Variants in CBFA2T2 observed in about 807,000 individuals in gnomAD.
CBFA2T2 encodes CBFA2/RUNX1 partner transcriptional co-repressor 2.
CBFA2T2 carries 11 observed loss-of-function variants against 62.2 expected under a neutral mutation model. The ratio of observed to expected loss-of-function variants is 0.18; its 90% CI spans 0.11 to 0.29. The LOEUF is 0.29. CBFA2T2 is among the 10% of genes least tolerant of loss of function. The pLI, the probability that CBFA2T2 is intolerant of heterozygous loss-of-function variation, is 1.00. For missense variants in CBFA2T2, 592 were observed against 774.1 expected, an observed-to-expected ratio of 0.76 and a Z score of 2.79; for synonymous variants, 295 against 287.5, an observed-to-expected ratio of 1.03 and a Z score of -0.27.
intron 1 of CBFA2T2, among the ~76,000 whole-genome samples, chr20:33,575,608 G>A (rs1219398186): frequency 6.6e-6 from 1 of 152,028 alleles, no homozygotes; most frequent in Non-Finnish European, 1.5e-5. Context: ...TTTCTTAATA[G>A]GGTTTTTTTT....
At chr20:33,600,187 T>TTG (rs1250538054) in intron 1 of CBFA2T2, 3 of 131,728 alleles carry the variant, frequency 2.3e-5, no homozygotes, top group East Asian at 2.3e-4. Context: ...GGAAAGTTTT[T>TTG]TTTTTTTTTT....
At chr20:33,594,462 C>T (rs550948302) in intron 1 of CBFA2T2, among the ~76,000 whole-genome samples, 1 of 152,066 alleles carries the variant, frequency 6.6e-6, no homozygotes, top group Non-Finnish European at 1.5e-5. Flanking sequence ...CCTCGTGATC[C>T]TCCTGCCTCG....
intron 1 of CBFA2T2, among the ~76,000 whole-genome samples, chr20:33,554,275 G>C (rs147519294): frequency 7.3e-6 from 1 of 136,150 alleles, no homozygotes; most frequent in Non-Finnish European, 1.6e-5. Context: ...TTTTTTTTCA[G>C]ACAGTGTTGC....
chr20:33,553,489 C>T (rs761148607), intron 1 of CBFA2T2, among the ~76,000 whole-genome samples: 3 of 152,234 alleles, frequency 2.0e-5, no homozygotes, highest in Non-Finnish European at 4.4e-5. Flanking sequence ...GCCTCAGCCT[C>T]CCAAAGTGCT....
intron 1 of CBFA2T2, among the ~76,000 whole-genome samples, chr20:33,534,478 A>C (rs1344229227): frequency 6.6e-6 from 1 of 151,876 alleles, no homozygotes; most frequent in Non-Finnish European, 1.5e-5. Context: ...ACGCCCGGCT[A>C]ATTTTTGTAT....
intron 5 of CBFA2T2, 83 bp from the exon 6 acceptor site, chr20:33,624,681 C>T (rs1177830630): frequency 6.8e-7 from 1 of 1,481,300 alleles, no homozygotes; most frequent in Non-Finnish European, 9.3e-7. Flanking sequence ...TAGCAAAATA[C>T]CTAATACATA....
Position 33,586,165 on chromosome 20 carries a change from TC to T in CBFA2T2, c.35-20790del, listed in dbSNP as rs201258496. ...TATTATCATTATTATCACTGGGTTTTCTTGTTTGTTTTTTTGTTTGTTTTGT... is the reference window on the plus strand; with the variant it reads ...TATTATCATTATTATCACTGGGTTTTTTGTTTGTTTTTTTGTTTGTTTTGT... On this transcript the variant is annotated intron_variant, in intron 1 of 10. Coordinates refer to ENST00000342704, the MANE Select transcript of CBFA2T2 (RefSeq NM_001032999.3). Among the ~76,000 whole-genome samples the T allele has an allele frequency of 3.5e-4, 54 of 152,288 alleles. 1 individual carries two copies. The East Asian group carries it at 0.01, about 29-fold the overall frequency.
At chr20:33,536,625 G>GC in intron 1 of CBFA2T2, among the ~76,000 whole-genome samples, 3 of 150,870 alleles carry the variant, frequency 2.0e-5, no homozygotes, top group South Asian at 2.1e-4. Context: ...AGACGGGGCG[G>GC]TTGCCAGGCG....
intron 1 of CBFA2T2, among the ~76,000 whole-genome samples, chr20:33,575,891 C>T (rs533634093): frequency 6.6e-6 from 1 of 152,228 alleles, no homozygotes; most frequent in African/African-American, 2.4e-5. Context: ...CACTCTCCTG[C>T]CTCAGCCTCC....
At chr20:33,558,136 CTT>C (rs56771085) in intron 1 of CBFA2T2, among the ~76,000 whole-genome samples, 22 of 141,730 alleles carry the variant, frequency 1.6e-4, no homozygotes, top group Admixed American at 2.1e-4. Context: ...CGCGCTCTCT[CTT>C]TTTTTTTTTT....
In CBFA2T2 at chr20:33,633,960, T is replaced by TG. The variant is rs1601106424; in HGVS notation, c.1229-2680_1229-2679insG. 4.6e-5 allele frequency among the ~76,000 whole-genome samples: 7 copies of TG among 152,250 alleles called. No homozygotes were observed. The East Asian group carries it at 1.2e-3, about 25-fold the overall frequency. ...CATCTAACTTTGCAAGTAAAATTTT[T>TG]TTTTGTTTGTTTGTTTGTTTTTGTT... On this transcript the variant is annotated intron_variant, in intron 8 of 10. Coordinates refer to ENST00000342704, the MANE Select transcript of CBFA2T2 (RefSeq NM_001032999.3).
At chr20:33,517,850 G>A (rs1367645979) in intron 1 of CBFA2T2, among the ~76,000 whole-genome samples, 2 of 151,462 alleles carry the variant, frequency 1.3e-5, no homozygotes, top group Non-Finnish European at 2.9e-5. Context: ...TTCACTGTGT[G>A]GGCCAGGTTG....
intron 1 of CBFA2T2, among the ~76,000 whole-genome samples, chr20:33,605,672 A>G (rs2015313879): frequency 6.6e-6 from 1 of 152,190 alleles, no homozygotes; most frequent in Non-Finnish European, 1.5e-5. Context: ...CCTCTGCTTC[A>G]TGTAGACTCA....
intron 10 of CBFA2T2, 93 bp from the exon 11 acceptor site, chr20:33,644,254 C>A (rs2016968141): frequency 1.4e-6 from 2 of 1,438,400 alleles, no homozygotes; most frequent in Non-Finnish European, 1.9e-6. Context: ...CTGGGGTTCT[C>A]TACATACAGC....
rs1427843129 is a variant in CBFA2T2 at position 33,490,111 on chromosome 20, G to GGCGACA, written c.-154_-149dup. Reference sequence around the variant, plus strand: ...TAACGGCGGCGGCGGCGGCGGCGACGGCGACAGCAGCGGTGGTGGTGTCTG... The same window carrying GGCGACA: ...TAACGGCGGCGGCGGCGGCGGCGACGGCGACAGCGACAGCAGCGGTGGTGGTGTCTG... On this transcript the variant is annotated 5_prime_UTR_variant, in exon 1 of 11. Transcript: ENST00000342704. 2.9e-6 allele frequency: 2 copies of GGCGACA among 701,220 alleles called. No individual in the cohort carries two copies. The highest frequency in any genetic ancestry group is 3.7e-6 in the Non-Finnish European group (2 of 534,782). The allele number at this position is 701,220 out of a possible 1,614,324, so 43.4% of individuals were successfully genotyped here.
chr20:33,499,421 A>AG (rs1270695106), intron 1 of CBFA2T2, among the ~76,000 whole-genome samples: 2 of 152,232 alleles, frequency 1.3e-5, no homozygotes, highest in African/African-American at 4.8e-5. Flanking sequence ...TTACCAAGGA[A>AG]GGGATCTCAT....
Position 33,585,139 on chromosome 20 carries a change from A to G in CBFA2T2, c.35-21817A>G, listed in dbSNP as rs983474641. On this transcript the variant is annotated intron_variant, in intron 1 of 10. Coordinates refer to ENST00000342704, the MANE Select transcript of CBFA2T2 (RefSeq NM_001032999.3). ...TTTTGGTTTTGAAAATGAGGTCCCT[A>G]TAGCTAGATCATGCTGCCTGTGTGT... 2.2e-4 allele frequency among the ~76,000 whole-genome samples: 34 copies of G among 152,142 alleles called. No homozygotes were observed. In the East Asian group the frequency reaches 2.3e-3, roughly 10 times the overall value.
intron 2 of CBFA2T2, 76 bp from the exon 3 acceptor site, chr20:33,611,017 AT>A: frequency 6.3e-7 from 1 of 1,575,298 alleles, no homozygotes; most frequent in Admixed American, 1.7e-5. Flanking sequence ...ACAAACGAAA[AT>A]ACAAACAAGA....
In CBFA2T2 at chr20:33,643,774, T is replaced by C. The variant is rs1435651067; in HGVS notation, c.1489-573T>C. On this transcript the variant is annotated intron_variant, in intron 10 of 10. Transcript: ENST00000342704. ...TCTACTATATATATATATATATATA[T>C]ATATATATATATATATATATATATA... Among the ~76,000 whole-genome samples the C allele has an allele frequency of 6.5e-3, 39 of 5,986 alleles. 1 individual carries two copies. The highest frequency in any genetic ancestry group is 0.037 in the African/African-American group (38 of 1,030). 3.9% of individuals were successfully genotyped at this position (5,986 alleles called of 152,430 possible).
Sources: allele counts gnomAD v4.1 joint callset (sites outside exome capture counted in the v4.1 genomes callset), GRCh38; gene constraint gnomAD v4.1.1; transcripts MANE v1.5; gene names NCBI Gene and HGNC (gene_info 2026-07-23, HGNC 2026-07-21).